The following FLT3 variants were observed in gnomAD, a reference collection of about 807,000 sequenced individuals.
The protein encoded by FLT3 is fms related receptor tyrosine kinase 3.
In FLT3, 46 loss-of-function variants were observed where a neutral mutation model predicts 126.6. That is an observed-to-expected ratio of 0.36 (90% CI 0.29 to 0.46). The LOEUF (loss-of-function observed/expected upper bound fraction) is 0.46. Among genes scored for constraint, FLT3 ranks in the 20% least tolerant of loss-of-function variants. The pLI is 1.00. For synonymous variants in FLT3, 404 were observed against 434.4 expected, an observed-to-expected ratio of 0.93 and a Z score of 0.87; for missense variants, 1,069 against 1,190.3, an observed-to-expected ratio of 0.90 and a Z score of 1.50.
intron 2 of FLT3, 115 bp downstream of exon 2, chr13:28,070,376 T>A: frequency 1.2e-6 from 1 of 814,174 alleles, no homozygotes; most frequent in Non-Finnish European, 2.0e-6. Context: ...TGTGAGGCCA[T>A]AATATACTTA....
At chr13:28,025,030 G>T in intron 17 of FLT3, 87 bp from the exon 18 acceptor site, 1 of 771,572 alleles carries the variant, frequency 1.3e-6, no homozygotes, top group Non-Finnish European at 2.2e-6. Context: ...CAAATAAATG[G>T]ATTCCAGTTA....
intron 1 of FLT3, among the ~76,000 whole-genome samples, chr13:28,071,148 C>T (rs1387930254): frequency 6.6e-6 from 1 of 150,620 alleles, no homozygotes; most frequent in African/African-American, 2.5e-5. Flanking sequence ...GTGCCCGTCA[C>T]CGTGCCTGGC....
chr13:28,063,910 G>A (rs1216025600), intron 2 of FLT3, among the ~76,000 whole-genome samples: 2 of 152,172 alleles, frequency 1.3e-5, no homozygotes, highest in Non-Finnish European at 2.9e-5. Flanking sequence ...TAAGCCGGAT[G>A]TTTAAGTTTT....
chr13:28,070,673 A>T, intron 1 of FLT3, 61 bp from the exon 2 acceptor site: 1 of 1,319,748 alleles, frequency 7.6e-7, no homozygotes, highest in Non-Finnish European at 1.1e-6. Context: ...GAAAACATGC[A>T]TTTATCTTGC....
rs73154832 is a variant in FLT3, at chr13:28,054,208, T to C, written c.485-1534A>G. Among the ~76,000 whole-genome samples the C allele has an allele frequency of 7.4e-3, 1,124 of 152,328 alleles. 6 individuals carry two copies. Among genetic ancestry groups the C allele is most frequent in the Non-Finnish European group, 0.013 (859 of 68,028 alleles). ...TACTAATTTATGTTACACAGCAGGA[T>C]ATGAGAGCACCTATTGCTTTATAGA... On this transcript the variant is annotated intron_variant, in intron 4 of 23. Coordinates refer to ENST00000241453, the MANE Select transcript of FLT3 (RefSeq NM_004119.3).
Position 28,100,282 on chromosome 13 carries a change from G to C in FLT3, c.43+186C>G, listed in dbSNP as rs1011732155. Among the ~76,000 whole-genome samples, 1 of 152,088 alleles carries C rather than the reference G, an allele frequency of 6.6e-6. No individual in the cohort carries two copies. Among genetic ancestry groups the C allele is most frequent in the Non-Finnish European group, 1.5e-5 (1 of 68,008 alleles). On this transcript the variant is annotated intron_variant, in intron 1 of 23. Transcript: ENST00000241453. This position sits in a 1 kb window ranked among gnomAD's most constrained non-coding sequence, Gnocchi z 4.8. ...AGGACGCGGGGTGGGAAACGCCGGG[G>C]CCGCAGGCAAGTAGTGGGCGAGTCC...
Position 28,034,074 on chromosome 13 carries a change from A to T in FLT3, c.1837+8T>A, listed in dbSNP as rs1939756197. 6.2e-7 allele frequency: 1 copy of T among 1,613,642 alleles called. No homozygotes were observed. The highest frequency in any genetic ancestry group is 1.7e-5 in the Admixed American group (1 of 59,928). ...GCTGCAGAAACATTTGGCACATTCC[A>T]TTCTTACCAAACTCTAAATTTTCTC... On this transcript the variant is annotated splice_region_variant and intron_variant, in intron 14 of 23. Coordinates refer to ENST00000241453, the MANE Select transcript of FLT3 (RefSeq NM_004119.3).
chr13:28,074,230 A>G (rs1877774900), intron 1 of FLT3, among the ~76,000 whole-genome samples: 1 of 152,138 alleles, frequency 6.6e-6, no homozygotes, highest in Admixed American at 6.6e-5. Flanking sequence ...TCCATACTGT[A>G]GTAGATATCA....
intron 6 of FLT3, 133 bp downstream of exon 6, chr13:28,049,962 T>G: frequency 8.5e-7 from 1 of 1,171,950 alleles, no homozygotes; most frequent in Non-Finnish European, 1.2e-6. Flanking sequence ...ATCCATAATA[T>G]TGCATTTACT....
chr13:28,057,554 C>G, intron 3 of FLT3, 92 bp from the exon 4 acceptor site: 1 of 696,886 alleles, frequency 1.4e-6, no homozygotes, highest in South Asian at 1.6e-5. Flanking sequence ...TTTGGTACTC[C>G]AGCGTTCCCC....
intron 1 of FLT3, among the ~76,000 whole-genome samples, chr13:28,094,315 T>C (rs1879307846): frequency 6.6e-6 from 1 of 152,192 alleles, no homozygotes; most frequent in South Asian, 2.1e-4. Flanking sequence ...AAGCCTGCTT[T>C]AGCATAGACT....
intron 1 of FLT3, among the ~76,000 whole-genome samples, chr13:28,084,613 C>T (rs1174301778): frequency 6.6e-6 from 1 of 152,044 alleles, no homozygotes; most frequent in Non-Finnish European, 1.5e-5. Flanking sequence ...GTTTTGCCAT[C>T]TTGCCCAGGC....
Position 28,003,726 on chromosome 13 carries a change from A to G in FLT3, c.*326T>C, listed in dbSNP as rs1593199988. On this transcript the variant is annotated 3_prime_UTR_variant, in exon 24 of 24. Coordinates refer to ENST00000241453, the MANE Select transcript of FLT3 (RefSeq NM_004119.3). ...AAAATCATATTAGCTTCTCCTTAGC[A>G]AAATGCTTTTGTTTTATGTATTTAC... The G allele has an allele frequency of 7.0e-6, 2 of 287,684 alleles. No homozygotes were observed. The highest frequency in any genetic ancestry group is 9.8e-5 in the East Asian group (2 of 20,384). The allele number at this position is 287,684 out of a possible 1,614,324, so 17.8% of individuals were successfully genotyped here. A position where few individuals can be genotyped will look rare whatever the true frequency, so the allele number is the denominator to read the frequency against.
chr13:28,083,779 A>G (rs566842357), intron 1 of FLT3, among the ~76,000 whole-genome samples: 1 of 152,276 alleles, frequency 6.6e-6, no homozygotes, highest in Non-Finnish European at 1.5e-5. Context: ...AGTTGTTAGT[A>G]ATATTTCCAT....
chr13:28,050,317 G>C (rs1875324277), intron 5 of FLT3, 95 bp from the exon 6 acceptor site: 1 of 1,210,774 alleles, frequency 8.3e-7, no homozygotes, highest in East Asian at 2.4e-5. Context: ...CCAGTTTTAA[G>C]GGTCAAATGG....
chr13:28,035,613 T>C lies in FLT3; in HGVS notation c.1479A>G (p.Gly493=), dbSNP rs1313554162. 4 of 1,614,176 alleles carry C rather than the reference T, an allele frequency of 2.5e-6. No homozygotes were observed. The Admixed American group carries it at 6.7e-5, about 27-fold the overall frequency. Residue 493 remains glycine, a synonymous_variant, in exon 12 of 24, where the codon GGA becomes GGG. Transcript: ENST00000241453. ...WNRKANRKVF[G]QWVSSSTLNM... Reference sequence around the variant, plus strand: ...TTAGAGTACTGCTCGACACCCACTGTCCAAACACTTTTCTGTTAGCCTTTC... The same window carrying C: ...TTAGAGTACTGCTCGACACCCACTGCCCAAACACTTTTCTGTTAGCCTTTC...
chr13:28,081,844 CTTTTTTTTTTT>C (rs35243277), intron 1 of FLT3, among the ~76,000 whole-genome samples: 2 of 64,988 alleles, frequency 3.1e-5, no homozygotes, highest in African/African-American at 1.4e-4. Flanking sequence ...TACTTTGATT[CTTTTTTTTTTT>C]TTTTTTTTTT....
intron 9 of FLT3, among the ~76,000 whole-genome samples, chr13:28,040,659 A>T (rs1874275062): frequency 6.6e-6 from 1 of 152,176 alleles, no homozygotes; most frequent in South Asian, 2.1e-4. Context: ...ATTGTGAACA[A>T]GAGAATTCAT....
chr13:28,061,478 G>A (rs2137766438), intron 3 of FLT3, among the ~76,000 whole-genome samples: 1 of 152,196 alleles, frequency 6.6e-6, no homozygotes, highest in East Asian at 1.9e-4. Context: ...ACAAAAAACA[G>A]GCCGAGGCCA....
Sources: gnomAD v4.1 joint callset for allele counts (sites outside exome capture counted in the v4.1 genomes callset) on GRCh38, gnomAD v4.1.1 for gene constraint, Gnocchi (gnomAD v3.1) non-coding constraint, MANE v1.5 for transcripts, NCBI Gene and HGNC (gene_info 2026-07-23, HGNC 2026-07-21) for gene names.